The following TEP1 variants were observed in gnomAD, a reference collection of about 807,000 sequenced individuals.
TEP1 encodes the protein telomerase protein component 1.
In TEP1, 241 loss-of-function variants were observed where a neutral mutation model predicts 306.3. That is an observed-to-expected ratio of 0.79 (90% CI 0.71 to 0.88). TEP1 has a LOEUF of 0.88. Among genes scored for constraint, TEP1 ranks in the 40% least tolerant of loss-of-function variants. TEP1 has a pLI of 0.00. For synonymous variants in TEP1, 1,289 were observed against 1,305.5 expected, an observed-to-expected ratio of 0.99 and a Z score of 0.27; for missense variants, 3,051 against 3,276.1, an observed-to-expected ratio of 0.93 and a Z score of 1.68.
chr14:20,388,195 G>T, intron 17 of TEP1, 132 bp from the exon 18 acceptor site: 1 of 894,814 alleles, frequency 1.1e-6, no homozygotes, highest in Non-Finnish European at 1.7e-6. Flanking sequence ...TTAAGAAGAG[G>T]ACCATAAGCA....
Position 20,373,668 on chromosome 14 carries a change from G to A in TEP1, c.6604+10C>T, listed in dbSNP as rs532602316. The A allele has an allele frequency of 1.4e-5, 23 of 1,614,200 alleles. No individual in the cohort carries two copies. Among genetic ancestry groups the A allele is most frequent in the African/African-American group, 4.0e-5 (3 of 75,044 alleles). On this transcript the variant is annotated intron_variant, in intron 45 of 54. Transcript: ENST00000262715. ...CAGCAGGGAAGGGGAGGTGGCTGAC[G>A]TTTTGTTACCTGCACGGGGCTCCAT...
Position 20,383,431 on chromosome 14 carries a change from C to T in TEP1, c.3867+57G>A, listed in dbSNP as rs1876776988. On this transcript the variant is annotated intron_variant, in intron 26 of 54. Transcript: ENST00000262715. The stretch of plus-strand genomic sequence containing the variant: ...TTGGAGAGGCCTCTCTCCTCCGTGC[C>T]GTATCCCTCCTTCTCCCCAGCCTGC... 36 of 1,611,830 alleles carry T rather than the reference C, an allele frequency of 2.2e-5. 1 individual carries two copies. The highest frequency in any genetic ancestry group is 2.0e-4 in the Admixed American group (12 of 59,912).
Position 20,373,334 on chromosome 14 carries a change from T to C in TEP1, c.6750A>G (p.Ser2250=). ...PVRAAAVSET[S]GLMLTASEDG... is the part of the protein sequence containing the mutation. ...CCTCAGAGGCGGTCAGCATGAGGCC[T>C]GAGGTTTCTGAAACAGCAGCAGCAC... The change falls in exon 47 of 55, where the codon TCA becomes TCG. Residue 2250 remains serine (S), a synonymous_variant. Coordinates refer to ENST00000262715, the MANE Select transcript of TEP1 (RefSeq NM_007110.5). 1 of 1,614,130 alleles carries C rather than the reference T, an allele frequency of 6.2e-7. No homozygotes were observed. Among genetic ancestry groups the C allele is most frequent in the Non-Finnish European group, 8.5e-7 (1 of 1,180,014 alleles).
At chr14:20,386,713 C>G (rs1877197505) in intron 18 of TEP1, 90 bp from the exon 19 acceptor site, 8 of 1,353,222 alleles carry the variant, frequency 5.9e-6, no homozygotes, top group Non-Finnish European at 6.7e-6. Flanking sequence ...TAGCACTGAG[C>G]ACAAGCCAGG....
At position 20,373,790 on chromosome 14, in the gene TEP1, C is replaced by A; in HGVS notation, c.6492G>T (p.Val2164=). 1 of 1,613,376 alleles carries A rather than the reference C, an allele frequency of 6.2e-7. No individual in the cohort carries two copies. The highest frequency in any genetic ancestry group is 8.5e-7 in the Non-Finnish European group (1 of 1,179,968). ...ACACTTTCAAGGTCCCATCCCGGCT[C>A]ACAGACACCACGTGCTCCTCCTGCC... The part of the protein sequence containing the change: ...VAAVEEHVVS[V]SRDGTLKVWD... The change falls in exon 45 of 55, where the codon GTG becomes GTT. Residue 2164 remains valine, a synonymous_variant. Transcript: ENST00000262715.
chr14:20,385,951 C>A, intron 20 of TEP1, 124 bp downstream of exon 20: 1 of 1,367,436 alleles, frequency 7.3e-7, no homozygotes, highest in Non-Finnish European at 9.8e-7. Context: ...GCCTGTATTT[C>A]ACTTCAAGTC....
Position 20,388,083 on chromosome 14 carries a change from A to G in TEP1, c.2526-20T>C. 1 of 1,613,570 alleles carries G rather than the reference A, an allele frequency of 6.2e-7. No individual in the cohort carries two copies. Among genetic ancestry groups the G allele is most frequent in the Non-Finnish European group, 8.5e-7 (1 of 1,179,798 alleles). On this transcript the variant is annotated intron_variant, in intron 17 of 54. Transcript: ENST00000262715. ...ATGAACCTGACATAAATAACAAGAT[A>G]AATGAGAGTAGAATACCACAGGTCG...
intron 35 of TEP1, 122 bp from the exon 36 acceptor site, chr14:20,379,227 T>C (rs907765188): frequency 2.3e-6 from 3 of 1,326,402 alleles, no homozygotes; most frequent in Non-Finnish European, 3.1e-6. Context: ...TGGCTCTCTA[T>C]GTTCCAAGTC....
chr14:20,409,567 A>G (rs1879461617), intron 1 of TEP1, among the ~76,000 whole-genome samples: 1 of 152,016 alleles, frequency 6.6e-6, no homozygotes, highest in African/African-American at 2.4e-5. Flanking sequence ...TCTCCTTCTC[A>G]TATCTCTGCC....
At chr14:20,371,790 CATT>C (rs1884857508) in intron 49 of TEP1, among the ~76,000 whole-genome samples, 158 bp from the exon 50 acceptor site, 1 of 152,162 alleles carries the variant, frequency 6.6e-6, no homozygotes, top group African/African-American at 2.4e-5. Context: ...TGTTTTTTAA[CATT>C]AGTATTCATC....
Position 20,368,769 on chromosome 14 carries a change from C to T in TEP1, c.7761+29G>A, listed in dbSNP as rs202141513. On this transcript the variant is annotated intron_variant, in intron 54 of 54. Coordinates refer to ENST00000262715, the MANE Select transcript of TEP1 (RefSeq NM_007110.5). ...GGATAGGTGTGCAGGCGCACGCACA[C>T]ACACACACACACACACACACACACT... The T allele has an allele frequency of 4.9e-6, 7 of 1,424,780 alleles. No individual in the cohort carries two copies. The African/African-American group carries it at 7.9e-5, about 16-fold the overall frequency. 88.3% of individuals were successfully genotyped at this position (1,424,780 alleles called of 1,614,324 possible).
intron 5 of TEP1, among the ~76,000 whole-genome samples, chr14:20,404,119 C>A (rs149697045): frequency 5.3e-4 from 81 of 152,248 alleles, no homozygotes; most frequent in African/African-American, 1.8e-3. Context: ...CTTAGGGAGG[C>A]CAAGGCCAGT....
chr14:20,384,956 A>T (rs1876995595), intron 21 of TEP1, 29 bp downstream of exon 21: 2 of 1,614,028 alleles, frequency 1.2e-6, no homozygotes, highest in Admixed American at 3.3e-5. Context: ...TTGGGGAAGG[A>T]GCCCCAGCCT....
Position 20,403,367 on chromosome 14 carries a change from A to T in TEP1, c.1266+10T>A, listed in dbSNP as rs1878910918. The T allele has an allele frequency of 3.1e-6, 5 of 1,613,988 alleles. No individual in the cohort carries two copies. The highest frequency in any genetic ancestry group is 3.4e-6 in the Non-Finnish European group (4 of 1,179,980). Reference sequence around the variant, plus strand: ...CATGCACATATACAACCCCAGAAGAAGGGACTCACCTTTCTCTGCTCTTCT... The same window carrying T: ...CATGCACATATACAACCCCAGAAGATGGGACTCACCTTTCTCTGCTCTTCT... On this transcript the variant is annotated intron_variant, in intron 7 of 54. Transcript: ENST00000262715.
chr14:20,407,872 C>A lies in TEP1; in HGVS notation c.567+1G>T. 2 of 1,586,814 alleles carry A rather than the reference C, an allele frequency of 1.3e-6. No individual in the cohort carries two copies. The highest frequency in any genetic ancestry group is 1.7e-6 in the Non-Finnish European group (2 of 1,166,258). ...TCAAGATGAGTGCCTGGAGCTATTA[C>A]CAAAGTTGCTTCCTGAGCTGTCTCT... On this transcript the variant is annotated splice_donor_variant, in intron 2 of 54. Transcript: ENST00000262715. LOFTEE classifies it high-confidence loss of function.
At chr14:20,389,156 A>T (rs1877484532) in intron 17 of TEP1, 82 bp downstream of exon 17, 2 of 1,357,624 alleles carry the variant, frequency 1.5e-6, no homozygotes, top group Admixed American at 2.0e-5. Flanking sequence ...TTAAAAAAAA[A>T]AAAAAGTGAC....
At chr14:20,380,561 A>C in intron 33 of TEP1, 86 bp from the exon 34 acceptor site, 1 of 1,327,496 alleles carries the variant, frequency 7.5e-7, no homozygotes, top group Non-Finnish European at 1.0e-6. Flanking sequence ...GTGTGTCTAC[A>C]ATAGTAAGTC....
Position 20,384,058 on chromosome 14 carries a change from G to A in TEP1, c.3514C>T (p.Gln1172Ter), listed in dbSNP as rs779552771. The A allele has an allele frequency of 8.1e-6, 13 of 1,610,742 alleles. No individual in the cohort carries two copies. The highest frequency in any genetic ancestry group is 1.1e-5 in the Non-Finnish European group (13 of 1,178,572). ...TGTACCAGGAAGGCTGTCTTGCCCTGTCCTGACTGCCCCGTCACCAGGCTC... is the reference window on the plus strand; with the variant it reads ...TGTACCAGGAAGGCTGTCTTGCCCTATCCTGACTGCCCCGTCACCAGGCTC... Reference protein sequence around the residue: ...RLSLVTGQSGQGKTAFLASLV... With the variant: ...RLSLVTGQSG Residue 1172 changes from glutamine (Q) to a stop codon, truncating the protein, a stop_gained, in exon 24 of 55, where the codon CAG (glutamine) becomes TAG (stop). Transcript: ENST00000262715. LOFTEE classifies it high-confidence loss of function.
rs1378436810 is a variant in TEP1, at chr14:20,405,439, A to G, written c.870+12T>C. On this transcript the variant is annotated intron_variant, in intron 4 of 54. Coordinates refer to ENST00000262715, the MANE Select transcript of TEP1 (RefSeq NM_007110.5). ...GCTTCACACCCCCATCCCCTCCTTC[A>G]CACCTCAATACCTTGAGGATAAACT... 6.2e-7 allele frequency: 1 copy of G among 1,613,366 alleles called. No homozygotes were observed. Among genetic ancestry groups the G allele is most frequent in the African/African-American group, 1.3e-5 (1 of 74,920 alleles).
Sources: gnomAD v4.1 joint callset for allele counts (sites outside exome capture counted in the v4.1 genomes callset) on GRCh38, gnomAD v4.1.1 for gene constraint, MANE v1.5 for transcripts, NCBI Gene and HGNC (gene_info 2026-07-23, HGNC 2026-07-21) for gene names.